PCDHA4: variants seen among roughly 807,000 people sequenced by gnomAD.
The protein encoded by PCDHA4 is protocadherin alpha-4.
A neutral mutation model predicts 61.4 loss-of-function variants in PCDHA4; 49 were observed. That is an observed-to-expected ratio of 0.80 (90% CI 0.63 to 1.01). The LOEUF (loss-of-function observed/expected upper bound fraction) is 1.01, where lower values mean the gene tolerates loss of function less well. Among genes scored for constraint, PCDHA4 ranks in the 50% least tolerant of loss-of-function variants. The pLI is 0.00. For synonymous variants in PCDHA4, 590 were observed against 550.3 expected (o/e 1.07, Z -1.01); for missense variants, 1,254 against 1,235.8 (o/e 1.01, Z -0.22).
In PCDHA4 at chr5:140,808,546, G is replaced by A. The variant is rs1581694212; in HGVS notation, c.1359G>A (p.Pro453=). 4 of 1,614,120 alleles carry A rather than the reference G, an allele frequency of 2.5e-6. No homozygotes were observed. In the African/African-American group the frequency reaches 4.0e-5, roughly 16 times the overall value. ...VEVADVNDNA[P]AFAQPEYTVF... ...TGGCTGATGTGAACGACAACGCTCC[G>A]GCGTTCGCGCAGCCCGAGTACACAG... Residue 453 remains proline, a synonymous_variant, in exon 1 of 4, where the codon CCG becomes CCA. Transcript: ENST00000530339.
At chr5:140,968,473 G>A in intron 1 of PCDHA4, 1 of 1,614,098 alleles carries the variant, frequency 6.2e-7, no homozygotes. Flanking sequence ...ACGTATATGT[G>A]GTGGACATGA....
chr5:140,857,278 C>A lies in PCDHA4; in HGVS notation c.2385+47706C>A, dbSNP rs541123870. On this transcript the variant is annotated intron_variant, in intron 1 of 3. Transcript: ENST00000530339. ...ATTACTACTCATTGGTGCTGGACAGCGCTCTGGACCGCGAGAGGGTGTCGG... is the reference window on the plus strand; with the variant it reads ...ATTACTACTCATTGGTGCTGGACAGAGCTCTGGACCGCGAGAGGGTGTCGG... The A allele has an allele frequency of 1.8e-5, 29 of 1,598,570 alleles. 3 individuals are homozygous for A. The highest frequency in any genetic ancestry group is 1.7e-4 in the Middle Eastern group (1 of 5,938).
At chr5:140,827,951 A>T (rs1222083879) in intron 1 of PCDHA4, 6 of 1,273,218 alleles carry the variant, frequency 4.7e-6, no homozygotes, top group Middle Eastern at 4.5e-4. Flanking sequence ...CAACATTCAA[A>T]TTTCTTCTAT....
chr5:140,927,995 AC>A, intron 1 of PCDHA4: 5 of 1,614,042 alleles, frequency 3.1e-6, no homozygotes, highest in Non-Finnish European at 4.2e-6. Flanking sequence ...AAGGATGAAG[AC>A]CTCGATTCTA....
rs1162515573 is a variant in PCDHA4, at chr5:140,941,250, T to C, written c.2386-37699T>C. 3.6e-5 allele frequency among the ~76,000 whole-genome samples: 5 copies of C among 139,366 alleles called. No homozygotes were observed. In the East Asian group the frequency reaches 1.0e-3, roughly 29 times the overall value. 91.4% of individuals were successfully genotyped at this position (139,366 alleles called of 152,430 possible). A position where few individuals can be genotyped will look rare whatever the true frequency, so the allele number is the denominator to read the frequency against. ...TTCTTTCTTTCTTTCTTTCTTTCTT[T>C]CTTTCTCTTTCTTTCTTTCTTTCCT... is the stretch of plus-strand genomic sequence containing the variant. On this transcript the variant is annotated intron_variant, in intron 1 of 3. Coordinates refer to ENST00000530339, the MANE Select transcript of PCDHA4 (RefSeq NM_018907.4).
intron 1 of PCDHA4, among the ~76,000 whole-genome samples, chr5:140,886,063 G>A (rs547299842): frequency 3.3e-5 from 5 of 152,172 alleles, no homozygotes; most frequent in East Asian, 1.9e-4. Flanking sequence ...TTACAAAAGC[G>A]TAGGGCCATA....
At chr5:140,830,695 C>T (rs1771206789) in intron 1 of PCDHA4, 1 of 285,150 alleles carries the variant, frequency 3.5e-6, no homozygotes, top group African/African-American at 2.2e-5. Context: ...ACAATCTGCA[C>T]CTCAGAATTT....
chr5:140,884,060 G>T (rs781956914), intron 1 of PCDHA4: 1 of 1,613,430 alleles, frequency 6.2e-7, no homozygotes, highest in African/African-American at 1.3e-5. Flanking sequence ...GCGCGCGGTG[G>T]ACGCCGATTC....
At chr5:140,933,047 A>G (rs1482395906) in intron 1 of PCDHA4, among the ~76,000 whole-genome samples, 2 of 152,030 alleles carry the variant, frequency 1.3e-5, no homozygotes, top group Non-Finnish European at 1.5e-5. Flanking sequence ...TATGGATTAC[A>G]GTCCAGGATC....
At chr5:140,850,051 C>A in intron 1 of PCDHA4, 1 of 1,596,418 alleles carries the variant, frequency 6.3e-7, no homozygotes, top group Non-Finnish European at 8.6e-7. Flanking sequence ...AAGGTGTACG[C>A]GCTGCAGCCG....
intron 1 of PCDHA4, chr5:140,843,598 C>T: frequency 6.3e-7 from 1 of 1,595,942 alleles, no homozygotes. Flanking sequence ...AGAGGGTGTG[C>T]TCTGGTGAGG....
At chr5:140,877,593 G>A in intron 1 of PCDHA4, 2 of 1,613,854 alleles carry the variant, frequency 1.2e-6, no homozygotes, top group Non-Finnish European at 1.7e-6. Context: ...TCTGTGCGGT[G>A]TCCAGCCTGC....
chr5:140,837,926 ACCT>A (rs1775320032), intron 1 of PCDHA4, among the ~76,000 whole-genome samples: 1 of 151,498 alleles, frequency 6.6e-6, no homozygotes. Flanking sequence ...CGATCCTCCT[ACCT>A]TGGCCTCCCA....
chr5:140,926,609 G>T, intron 1 of PCDHA4: 1 of 350,856 alleles, frequency 2.9e-6, no homozygotes, highest in Non-Finnish European at 5.0e-6. Flanking sequence ...CCTCGTCTCT[G>T]CACCCCTAGG....
At chr5:140,927,764 G>T (rs2084612834) in intron 1 of PCDHA4, 1 of 1,614,092 alleles carries the variant, frequency 6.2e-7, no homozygotes. Flanking sequence ...CCTAAAAGTG[G>T]GGAGGTGCAA....
intron 3 of PCDHA4, among the ~76,000 whole-genome samples, chr5:140,992,504 C>T (rs2097516189): frequency 6.6e-6 from 1 of 152,174 alleles, no homozygotes; most frequent in African/African-American, 2.4e-5. Context: ...GGATTCAATC[C>T]TGGGGCATGG....
intron 3 of PCDHA4, among the ~76,000 whole-genome samples, chr5:140,996,055 C>A (rs1289526573): frequency 6.6e-6 from 1 of 152,164 alleles, no homozygotes; most frequent in Non-Finnish European, 1.5e-5. Flanking sequence ...GTGCTTGGCA[C>A]ACAGTAAAGA....
chr5:140,849,613 G>C (rs2040993200), intron 1 of PCDHA4: 2 of 1,598,764 alleles, frequency 1.3e-6, no homozygotes, highest in Non-Finnish European at 1.7e-6. Context: ...GCCCTGATTA[G>C]TGTGATCGAC....
intron 1 of PCDHA4, among the ~76,000 whole-genome samples, chr5:140,973,210 C>T (rs112667484): frequency 0.028 from 4,273 of 152,266 alleles, 188 homozygotes; most frequent in African/African-American, 0.096. Flanking sequence ...CATATTCACC[C>T]TAATTCCAGG....
Sources: gnomAD v4.1 joint callset for allele counts (sites outside exome capture counted in the v4.1 genomes callset) on GRCh38, gnomAD v4.1.1 for gene constraint, MANE v1.5 for transcripts, NCBI Gene and HGNC (gene_info 2026-07-23, HGNC 2026-07-21) for gene names.